The following MGAT5 variants were observed in gnomAD, a reference collection of about 807,000 sequenced individuals.
MGAT5 encodes the protein alpha-1,6-mannosylglycoprotein 6-beta-N-acetylglucosaminyltransferase A.
In MGAT5, 30 loss-of-function variants were observed where a neutral mutation model predicts 94.3. The ratio of observed to expected loss-of-function variants is 0.32; its 90% CI spans 0.24 to 0.43. The LOEUF is 0.43. Ranked by LOEUF, MGAT5 falls within the 20% of genes least tolerant of loss-of-function variation. The probability of loss-of-function intolerance (pLI) is 1.00; values close to 1 mark genes in which losing one functional copy is unlikely to be tolerated. For synonymous variants in MGAT5, 310 were observed against 322.9 expected, an observed-to-expected ratio of 0.96 and a Z score of 0.43; for missense variants, 691 against 905.5, an observed-to-expected ratio of 0.76 and a Z score of 3.04.
In MGAT5 at chr2:134,451,201, T is replaced by G. The variant is rs1686089727; in HGVS notation, c.*2354T>G. ...GGATCATTTGCTGGCTGTCCCTAAG[T>G]TCAAGGCCTCCCTACCTTCCCCTTC... On this transcript the variant is annotated 3_prime_UTR_variant, in exon 16 of 16. Coordinates refer to ENST00000281923, the MANE Select transcript of MGAT5 (RefSeq NM_002410.5). The G allele has an allele frequency of 6.6e-6, 1 of 152,184 alleles. No individual in the cohort carries two copies. Among genetic ancestry groups the G allele is most frequent in the Non-Finnish European group, 1.5e-5 (1 of 68,064 alleles). The allele number at this position is 152,184 out of a possible 1,614,324, so 9.4% of individuals were successfully genotyped here.
chr2:134,333,209 A>G (rs2105964524), intron 4 of MGAT5, among the ~76,000 whole-genome samples: 1 of 152,224 alleles, frequency 6.6e-6, no homozygotes, highest in South Asian at 2.1e-4. Flanking sequence ...GATAGACTGG[A>G]CTAAGAAAAT....
At chr2:134,424,625 A>G (rs983519376) in intron 13 of MGAT5, among the ~76,000 whole-genome samples, 4 of 152,190 alleles carry the variant, frequency 2.6e-5, no homozygotes, top group Non-Finnish European at 5.9e-5. Flanking sequence ...CCCTTAGTAT[A>G]TGAGCTTCCT....
chr2:134,178,937 T>A (rs1013060994), intron 1 of MGAT5, among the ~76,000 whole-genome samples: 1 of 152,252 alleles, frequency 6.6e-6, no homozygotes, highest in Non-Finnish European at 1.5e-5. Context: ...ATAGTCCATC[T>A]TCATTATTCT....
intron 10 of MGAT5, among the ~76,000 whole-genome samples, chr2:134,388,134 A>G (rs1558848390): frequency 6.6e-6 from 1 of 152,254 alleles, no homozygotes; most frequent in Non-Finnish European, 1.5e-5. Context: ...CAAAAAGTCA[A>G]GGACAATGAA....
At chr2:134,279,606 G>T (rs1684577052) in intron 2 of MGAT5, among the ~76,000 whole-genome samples, 1 of 152,162 alleles carries the variant, frequency 6.6e-6, no homozygotes. Context: ...CTTGATGGGG[G>T]AACTCAGTAA....
intron 10 of MGAT5, among the ~76,000 whole-genome samples, chr2:134,366,412 A>G (rs1680432942): frequency 6.6e-6 from 1 of 152,232 alleles, no homozygotes; most frequent in South Asian, 2.1e-4. Context: ...TATCTTATGT[A>G]TTCATGATCC....
chr2:134,393,653 G>C (rs1210827203), intron 10 of MGAT5, among the ~76,000 whole-genome samples: 5 of 151,894 alleles, frequency 3.3e-5, no homozygotes, highest in African/African-American at 9.7e-5. Flanking sequence ...TTATCTATTG[G>C]GGCTTCAAAG....
intron 1 of MGAT5, among the ~76,000 whole-genome samples, chr2:134,134,889 G>A (rs1371380937): frequency 6.6e-6 from 1 of 152,184 alleles, no homozygotes; most frequent in Non-Finnish European, 1.5e-5. Context: ...AATAATCGTT[G>A]CACATTTTAA....
At chr2:134,232,145 T>A (rs535449449) in intron 1 of MGAT5, among the ~76,000 whole-genome samples, 42 of 152,320 alleles carry the variant, frequency 2.8e-4, no homozygotes, top group African/African-American at 7.9e-4. Context: ...ACTGTCCTGC[T>A]GATTTGACCT....
intron 2 of MGAT5, among the ~76,000 whole-genome samples, chr2:134,314,528 GT>G (rs1686886852): frequency 6.6e-6 from 1 of 152,166 alleles, no homozygotes; most frequent in Non-Finnish European, 1.5e-5. Context: ...GGTTCCTCAT[GT>G]GCTAGGAGGG....
In MGAT5 at chr2:134,454,312, C is replaced by A. The variant is rs768541032; in HGVS notation, c.*5465C>A. 3.3e-5 allele frequency: 5 copies of A among 152,274 alleles called. No individual in the cohort carries two copies. Among genetic ancestry groups the A allele is most frequent in the Non-Finnish European group, 7.3e-5 (5 of 68,054 alleles). 9.4% of individuals were successfully genotyped at this position (152,274 alleles called of 1,614,324 possible). On this transcript the variant is annotated 3_prime_UTR_variant, in exon 16 of 16. Coordinates refer to ENST00000281923, the MANE Select transcript of MGAT5 (RefSeq NM_002410.5). The stretch of plus-strand genomic sequence containing the variant: ...GAGCGAACTTGGGAAGCATTTTGCT[C>A]ATTGTCCTACCCAAGTATTAATAGC...
intron 1 of MGAT5, among the ~76,000 whole-genome samples, chr2:134,147,440 GA>G (rs1686970594): frequency 6.6e-6 from 1 of 152,156 alleles, no homozygotes; most frequent in Non-Finnish European, 1.5e-5. Flanking sequence ...TGGATGTCTT[GA>G]GGCAGATAAC....
intron 1 of MGAT5, among the ~76,000 whole-genome samples, chr2:134,137,327 C>T (rs1255421565): frequency 6.6e-6 from 1 of 152,226 alleles, no homozygotes; most frequent in Non-Finnish European, 1.5e-5. Flanking sequence ...CATAGGAATG[C>T]ACTTCCTCTT....
At chr2:134,441,383 C>A (rs1418422663) in intron 14 of MGAT5, among the ~76,000 whole-genome samples, 1 of 152,234 alleles carries the variant, frequency 6.6e-6, no homozygotes, top group Admixed American at 6.5e-5. Context: ...TGAAGATGGG[C>A]CTTGAAGAGC....
At chr2:134,224,166 T>G (rs1286389725) in intron 1 of MGAT5, among the ~76,000 whole-genome samples, 1 of 152,206 alleles carries the variant, frequency 6.6e-6, no homozygotes, top group East Asian at 1.9e-4. Context: ...TGGGTTTGTC[T>G]TGACATTTGG....
chr2:134,153,062 C>A (rs1687303049), intron 1 of MGAT5, among the ~76,000 whole-genome samples: 1 of 152,084 alleles, frequency 6.6e-6, no homozygotes, highest in African/African-American at 2.4e-5. Flanking sequence ...TGCCACCACG[C>A]CCGGCTAATT....
intron 4 of MGAT5, chr2:134,319,713 G>C (rs535710583): frequency 2.5e-6 from 1 of 405,612 alleles, no homozygotes; most frequent in East Asian, 8.3e-5. Context: ...TCCATGCTGT[G>C]GTGGAATTCA....
intron 1 of MGAT5, among the ~76,000 whole-genome samples, chr2:134,194,542 GTAA>G (rs147283458): frequency 0.015 from 2,356 of 152,230 alleles, 24 homozygotes; most frequent in Middle Eastern, 0.031. Flanking sequence ...GTGCTTTTCA[GTAA>G]TAATAAGTGT....
chr2:134,309,361 A>G (rs1201034863), intron 2 of MGAT5, among the ~76,000 whole-genome samples: 3 of 152,214 alleles, frequency 2.0e-5, no homozygotes, highest in African/African-American at 7.2e-5. Context: ...GACTCAGATG[A>G]TAAGTCTGTT....
Sources: gnomAD v4.1 joint callset for allele counts (sites outside exome capture counted in the v4.1 genomes callset) on GRCh38, gnomAD v4.1.1 for gene constraint, MANE v1.5 for transcripts, NCBI Gene and HGNC (gene_info 2026-07-23, HGNC 2026-07-21) for gene names.